Variants in LAMB4 observed in about 807,000 individuals in gnomAD.
LAMB4 encodes the protein laminin subunit beta-4.
A neutral mutation model predicts 199.2 loss-of-function variants in LAMB4; 196 were observed. The ratio of observed to expected loss-of-function variants is 0.98; its 90% CI spans 0.88 to 1.11. The LOEUF is 1.11. Ranked by LOEUF, LAMB4 falls within the 50% of genes least tolerant of loss-of-function variation. The probability of loss-of-function intolerance (pLI) is 0.00; values close to 1 mark genes in which losing one functional copy is unlikely to be tolerated. For missense variants in LAMB4, 2,080 were observed against 2,171.2 expected, an observed-to-expected ratio of 0.96 and a Z score of 0.83; for synonymous variants, 744 against 770.6, an observed-to-expected ratio of 0.97 and a Z score of 0.57.
chr7:108,094,324 G>C (rs149281944), intron 12 of LAMB4, among the ~76,000 whole-genome samples: 8 of 152,196 alleles, frequency 5.3e-5, no homozygotes, highest in Non-Finnish European at 7.3e-5. Context: ...TATGGTCATG[G>C]AGGTTGGCGT....
rs752047287 is a variant in LAMB4, at chr7:108,091,758, C to T, written c.1569G>A (p.Gly523=). 25 of 1,613,824 alleles carry T rather than the reference C, an allele frequency of 1.5e-5. No individual in the cohort carries two copies. The highest frequency in any genetic ancestry group is 2.1e-5 in the Non-Finnish European group (25 of 1,179,958). ...AYSNVCSPKN[G]QCECRPHVTG... is the part of the protein sequence containing the mutation. Reference sequence around the variant, plus strand: ...TGACATGTGGGCGGCATTCACACTGCCCATTCTTGGGTGAGCACCTGAGGA... The same window carrying T: ...TGACATGTGGGCGGCATTCACACTGTCCATTCTTGGGTGAGCACCTGAGGA... Residue 523 remains glycine, a synonymous_variant, in exon 14 of 34, where the codon GGG becomes GGA. Coordinates refer to ENST00000388781, the MANE Select transcript of LAMB4 (RefSeq NM_007356.3).
At chr7:108,121,222 C>A (rs982870022) in intron 2 of LAMB4, among the ~76,000 whole-genome samples, 8 of 152,072 alleles carry the variant, frequency 5.3e-5, no homozygotes, top group African/African-American at 1.9e-4. Flanking sequence ...TATGAAATTC[C>A]AAAATGAATT....
At chr7:108,057,422 CA>C (rs1482106163) in intron 24 of LAMB4, among the ~76,000 whole-genome samples, 13 of 152,170 alleles carry the variant, frequency 8.5e-5, no homozygotes, top group African/African-American at 3.1e-4. Flanking sequence ...AGGGAATGAG[CA>C]ATATTTTTTA....
At chr7:108,124,228 A>C (rs568994148) in intron 1 of LAMB4, among the ~76,000 whole-genome samples, 1 of 152,276 alleles carries the variant, frequency 6.6e-6, no homozygotes, top group African/African-American at 2.4e-5. Flanking sequence ...TGTAAGATGG[A>C]CAACAGTATT....
intron 14 of LAMB4, among the ~76,000 whole-genome samples, chr7:108,080,315 G>A (rs947857044): frequency 6.6e-6 from 1 of 152,052 alleles, no homozygotes; most frequent in African/African-American, 2.4e-5. Context: ...AATCCCTGAC[G>A]GTCTCTATAC....
chr7:108,094,905 A>G (rs1457988759), intron 12 of LAMB4, among the ~76,000 whole-genome samples: 1 of 152,212 alleles, frequency 6.6e-6, no homozygotes, highest in Non-Finnish European at 1.5e-5. Flanking sequence ...TGGTGGCCCA[A>G]AACATAGACA....
chr7:108,095,659 A>G (rs1563088087), intron 11 of LAMB4, among the ~76,000 whole-genome samples: 1 of 152,164 alleles, frequency 6.6e-6, no homozygotes, highest in Non-Finnish European at 1.5e-5. Context: ...GGTGACTCAG[A>G]GGCAGGAGTT....
downstream of LAMB4, among the ~76,000 whole-genome samples, chr7:108,019,686 A>G (rs1385383390): frequency 6.6e-6 from 1 of 152,134 alleles, no homozygotes; most frequent in Admixed American, 6.5e-5. Context: ...CTCGCTAGGC[A>G]GCTGTGTGCC....
chr7:108,079,434 G>T (rs781649660), intron 15 of LAMB4, among the ~76,000 whole-genome samples, 167 bp downstream of exon 15: 1 of 152,146 alleles, frequency 6.6e-6, no homozygotes, highest in Non-Finnish European at 1.5e-5. Context: ...GGCTCACTGC[G>T]CTGCTTCAAT....
intron 12 of LAMB4, 60 bp from the exon 13 acceptor site, chr7:108,092,476 A>C (rs2037446139): frequency 1.6e-5 from 20 of 1,271,220 alleles, no homozygotes; most frequent in Non-Finnish European, 2.3e-5. Context: ...TCTGAAGTGC[A>C]ACACTGAAAT....
At chr7:108,112,026 T>C (rs1282175345) in intron 3 of LAMB4, 80 bp from the exon 4 acceptor site, 3 of 1,139,180 alleles carry the variant, frequency 2.6e-6, no homozygotes, top group African/African-American at 3.2e-5. Flanking sequence ...AAGCTGTACA[T>C]ACTATATTTG....
At chr7:108,062,409 A>C in intron 23 of LAMB4, 1 of 155,858 alleles carries the variant, frequency 6.4e-6, no homozygotes, top group Non-Finnish European at 1.4e-5. Context: ...TTTTGAAGGT[A>C]TCTGTTTATT....
intron 1 of LAMB4, among the ~76,000 whole-genome samples, chr7:108,128,795 G>A (rs1015029740): frequency 6.6e-6 from 1 of 152,158 alleles, no homozygotes; most frequent in African/African-American, 2.4e-5. Context: ...AGCTGACATT[G>A]GAAAGCCTCT....
chr7:108,106,952 A>C (rs559096876), intron 6 of LAMB4, among the ~76,000 whole-genome samples: 80 of 152,310 alleles, frequency 5.3e-4, no homozygotes, highest in African/African-American at 1.8e-3. Context: ...ACAGATTATC[A>C]TTTGGGTTAG....
intron 29 of LAMB4, among the ~76,000 whole-genome samples, chr7:108,043,545 G>GTTTTGTTTTTT (rs2035497765): frequency 1.8e-5 from 1 of 56,002 alleles, no homozygotes; most frequent in Admixed American, 1.9e-4. Context: ...TGGCTATGAT[G>GTTTTGTTTTTT]TTTTTTTTTT....
At chr7:108,042,566 AAAG>A (rs2035455415) in intron 29 of LAMB4, among the ~76,000 whole-genome samples, 1 of 152,156 alleles carries the variant, frequency 6.6e-6, no homozygotes, top group Non-Finnish European at 1.5e-5. Context: ...TTACTCATTG[AAAG>A]TTTGCTTTTG....
intron 25 of LAMB4, among the ~76,000 whole-genome samples, chr7:108,053,520 T>C (rs2035889639): frequency 6.6e-6 from 1 of 152,218 alleles, no homozygotes; most frequent in South Asian, 2.1e-4. Context: ...TACAGGCTTC[T>C]CTGTGAGGAA....
At chr7:108,075,491 G>A (rs1373422061) in intron 17 of LAMB4, 1 of 152,170 alleles carries the variant, frequency 6.6e-6, no homozygotes, top group African/African-American at 2.4e-5. Context: ...GCTATAGTTT[G>A]CCAATTAAGT....
Position 108,048,054 on chromosome 7 carries a change from A to T in LAMB4, c.4180T>A (p.Cys1394Ser). 1 of 1,614,100 alleles carries T rather than the reference A, an allele frequency of 6.2e-7. No homozygotes were observed. Residue 1394 changes from cysteine to serine, a missense_variant, in exon 28 of 34, where the codon TGC (cysteine) becomes AGC (serine). Physicochemically the swap from Cys to Ser is moderately radical, Grantham distance 112. Transcript: ENST00000388781. ...TTCCTGTGCCCCTTCCGGCCCGTGC[A>T]GAGAGCACCGCCACAGGGCAAGGGC... ...CVPLPCGGALCTGRKGHRKCR... is the reference protein window; with the variant it reads ...CVPLPCGGALSTGRKGHRKCR...
Sources: allele counts gnomAD v4.1 joint callset (sites outside exome capture counted in the v4.1 genomes callset), GRCh38; gene constraint gnomAD v4.1.1; transcripts MANE v1.5; gene names NCBI Gene and HGNC (gene_info 2026-07-23, HGNC 2026-07-21).